ANKRD36C: variants seen among roughly 807,000 people sequenced by gnomAD.
The protein encoded by ANKRD36C is ankyrin repeat domain-containing protein 36C.
ANKRD36C carries 61 observed loss-of-function variants against 276.4 expected under a neutral mutation model. The ratio of observed to expected loss-of-function variants is 0.22; its 90% confidence interval spans 0.18 to 0.27. The LOEUF is 0.27. ANKRD36C is among the 10% of genes least tolerant of loss of function. ANKRD36C has a pLI of 1.00. For synonymous variants in ANKRD36C, 483 were observed against 680.1 expected, an observed-to-expected ratio of 0.71 and a Z score of 4.51; for missense variants, 1,447 against 2,032.3, an observed-to-expected ratio of 0.71 and a Z score of 5.54.
At chr2:95,922,995 T>C (rs1432303793) in intron 32 of ANKRD36C, among the ~76,000 whole-genome samples, 1 of 151,638 alleles carries the variant, frequency 6.6e-6, no homozygotes, top group Non-Finnish European at 1.5e-5. Flanking sequence ...CAAAATTACA[T>C]AAATAACTTC....
At chr2:95,963,995 ATATATATATATATATATATGTGTG>A (rs1298506179) in intron 6 of ANKRD36C, among the ~76,000 whole-genome samples, 789 of 31,924 alleles carry the variant, frequency 0.025, 19 homozygotes, top group South Asian at 0.08. Flanking sequence ...ATATATATAT[ATATATATATATATATATATGTGTG>A]TGTGTGTCAT....
intron 6 of ANKRD36C, among the ~76,000 whole-genome samples, chr2:95,967,203 G>A (rs570140501): frequency 1.3e-5 from 2 of 152,084 alleles, no homozygotes; most frequent in Admixed American, 1.3e-4. Context: ...TCAGAGTGAA[G>A]AGGCAACCTA....
intron 59 of ANKRD36C, among the ~76,000 whole-genome samples, chr2:95,875,758 A>G (rs1227939996): frequency 6.6e-6 from 1 of 152,174 alleles, no homozygotes; most frequent in East Asian, 1.9e-4. Flanking sequence ...TGACAGTGTT[A>G]TATATTTATA....
At chr2:95,897,200 A>C (rs920621164) in intron 44 of ANKRD36C, 70 bp downstream of exon 60, 5 of 1,216,800 alleles carry the variant, frequency 4.1e-6, no homozygotes, top group Non-Finnish European at 5.7e-6. Flanking sequence ...CCCCCCGCTG[A>C]TTTATTCACG....
At chr2:95,916,644 C>T (rs979027794) in intron 36 of ANKRD36C, among the ~76,000 whole-genome samples, 2 of 151,642 alleles carry the variant, frequency 1.3e-5, no homozygotes, top group African/African-American at 4.8e-5. Context: ...TCCGATGACC[C>T]TTCAGTTGAA....
intron 42 of ANKRD36C, 112 bp from the exon 47 acceptor site, chr2:95,908,809 C>T: frequency 1.3e-6 from 2 of 1,501,622 alleles, no homozygotes; most frequent in East Asian, 2.5e-5. Context: ...TTAGCGTAGG[C>T]TTTGATGGCT....
chr2:95,909,042 G>T (rs1203986776), intron 42 of ANKRD36C, among the ~76,000 whole-genome samples: 1 of 150,318 alleles, frequency 6.7e-6, no homozygotes, highest in East Asian at 2.0e-4. Context: ...CAATGTCAAA[G>T]CAGGTGCTAC....
At chr2:95,976,182 G>T (rs1678805753) in intron 6 of ANKRD36C, among the ~76,000 whole-genome samples, 1 of 152,198 alleles carries the variant, frequency 6.6e-6, no homozygotes, top group Admixed American at 6.5e-5. Context: ...CTGTTGGTGG[G>T]ACTGTAAACT....
chr2:95,944,741 G>C (rs1235338552), intron 18 of ANKRD36C, 47 bp from the exon 19 acceptor site: 2 of 1,529,728 alleles, frequency 1.3e-6, no homozygotes, highest in Admixed American at 3.9e-5. Flanking sequence ...ATGTAATTAA[G>C]AATCAGTAAA....
chr2:95,889,027 G>C (rs1676270159), intron 48 of ANKRD36C, among the ~76,000 whole-genome samples: 1 of 151,480 alleles, frequency 6.6e-6, no homozygotes, highest in Non-Finnish European at 1.5e-5. Context: ...TTTTATCCAA[G>C]ACTTAGCTCC....
chr2:95,975,798 G>T (rs1173355237), intron 6 of ANKRD36C, among the ~76,000 whole-genome samples: 1 of 152,154 alleles, frequency 6.6e-6, no homozygotes, highest in Non-Finnish European at 1.5e-5. Flanking sequence ...AAACGAAAGA[G>T]CTTCTGCCCA....
intron 63 of ANKRD36C, among the ~76,000 whole-genome samples, chr2:95,854,238 A>G (rs1321137407): frequency 1.3e-5 from 2 of 151,516 alleles, no homozygotes; most frequent in South Asian, 2.1e-4. Flanking sequence ...ACTCAAATCA[A>G]CCTCAGAGTT....
intron 6 of ANKRD36C, among the ~76,000 whole-genome samples, chr2:95,963,761 T>A (rs1279542912): frequency 9.2e-6 from 1 of 108,754 alleles, no homozygotes; most frequent in Non-Finnish European, 1.8e-5. Context: ...GCTCCTAATA[T>A]TCCTACATTT....
intron 17 of ANKRD36C, among the ~76,000 whole-genome samples, chr2:95,946,024 TGTGTAA>T (rs1678037268): frequency 6.6e-6 from 1 of 152,230 alleles, no homozygotes; most frequent in African/African-American, 2.4e-5. Flanking sequence ...CAATTTGTTT[TGTGTAA>T]ATACTTATGT....
At chr2:95,920,978 A>C (rs1677248491) in intron 34 of ANKRD36C, among the ~76,000 whole-genome samples, 1 of 150,320 alleles carries the variant, frequency 6.7e-6, no homozygotes, top group South Asian at 2.1e-4. Context: ...CAATTCTAGC[A>C]TTGTTTCCTG....
rs777205536 is a variant in ANKRD36C, at chr2:95,897,418, T to C, written c.2755+1727A>G. ...ACTATACATTTACTAGTTCACAATATAAATGACAGTTTCATTACCTTCAAG... is the reference window on the plus strand; with the variant it reads ...ACTATACATTTACTAGTTCACAATACAAATGACAGTTTCATTACCTTCAAG... On this transcript the variant is annotated intron_variant, in intron 44 of 66. Transcript: ENST00000456556. 6 of 1,543,176 alleles carry C rather than the reference T, an allele frequency of 3.9e-6. No individual in the cohort carries two copies. The highest frequency in any genetic ancestry group is 2.3e-4 in the Middle Eastern group (1 of 4,326).
At chr2:95,944,655 G>T (rs1448456956) in exon 19 of ANKRD36C, 10 of 1,537,104 alleles carry the variant, frequency 6.5e-6, no homozygotes, top group African/African-American at 2.7e-5. Flanking sequence ...TTCAAACAAG[G>T]TTCCATTTTC....
intron 3 of ANKRD36C, among the ~76,000 whole-genome samples, chr2:95,983,588 T>C (rs868684711): frequency 6.9e-4 from 88 of 126,806 alleles, no homozygotes; most frequent in African/African-American, 2.3e-3. Context: ...TTGCATCATT[T>C]ATTTATTTAT....
chr2:95,903,939 TG>T (rs1356621907), intron 42 of ANKRD36C, among the ~76,000 whole-genome samples: 16 of 65,740 alleles, frequency 2.4e-4, no homozygotes, highest in African/African-American at 3.0e-4. Context: ...ATAGCCTTGT[TG>T]GGAGTATCAT....
Sources: gnomAD v4.1 joint callset for allele counts (sites outside exome capture counted in the v4.1 genomes callset) on GRCh38, gnomAD v4.1.1 for gene constraint, MANE v1.5 for transcripts, NCBI Gene and HGNC (gene_info 2026-07-23, HGNC 2026-07-21) for gene names.